The following NFIX variants were observed in gnomAD, a reference collection of about 807,000 sequenced individuals.
NFIX encodes nuclear factor 1 X-type.
NFIX carries 2 observed loss-of-function variants against 53.3 expected under a neutral mutation model. The ratio of observed to expected loss-of-function variants is 0.04; its 90% CI spans 0.02 to 0.12. The LOEUF is 0.12. Ranked by LOEUF, NFIX falls within the 10% of genes least tolerant of loss-of-function variation. The pLI, the probability that NFIX is intolerant of heterozygous loss-of-function variation, is 1.00. For missense variants in NFIX, 310 were observed against 674.5 expected (o/e 0.46, Z 5.99); for synonymous variants, 244 against 289.0 (o/e 0.84, Z 1.58).
At chr19:13,041,194 G>T (rs1378152641) in intron 2 of NFIX, among the ~76,000 whole-genome samples, 4 of 152,168 alleles carry the variant, frequency 2.6e-5, no homozygotes, top group African/African-American at 9.7e-5. Flanking sequence ...ACAAACTCTG[G>T]ACACACAGGG....
chr19:13,088,239 GC>G lies in NFIX; in HGVS notation c.1402+109del, dbSNP rs1048414981. On this transcript the variant is annotated intron_variant, in intron 9 of 10. Transcript: ENST00000592199. The surrounding 1 kb of genome is among the most constrained non-coding windows in gnomAD (Gnocchi z 5.9). ...AGCCTTCCCCCTCCCCACCACCAAA[GC>G]CCCCCAACCCAGAGCACCATGGACA... The G allele has an allele frequency of 1.9e-5, 26 of 1,356,880 alleles. No homozygotes were observed. Among genetic ancestry groups the G allele is most frequent in the Non-Finnish European group, 2.6e-5 (26 of 1,006,248 alleles). The allele number at this position is 1,356,880 out of a possible 1,614,324, so 84.1% of individuals were successfully genotyped here. A position where few individuals can be genotyped will look rare whatever the true frequency, so the allele number is the denominator to read the frequency against.
chr19:13,033,237 G>C (rs1338839304), intron 2 of NFIX, among the ~76,000 whole-genome samples: 3 of 152,216 alleles, frequency 2.0e-5, no homozygotes, highest in Non-Finnish European at 2.9e-5. Flanking sequence ...TTAGAATAGG[G>C]TCCCAGGAGG....
chr19:13,023,070 T>TTTTC (rs143407433), intron 1 of NFIX, among the ~76,000 whole-genome samples: 1 of 138,070 alleles, frequency 7.2e-6, no homozygotes, highest in Non-Finnish European at 1.5e-5. Flanking sequence ...TTCTCTCTCT[T>TTTTC]TCTCTCTCTC....
rs1217664297 is a variant in NFIX, at chr19:13,097,646, G to A, written c.*2997G>A. 2.0e-5 allele frequency: 3 copies of A among 151,498 alleles called. No individual in the cohort carries two copies. Among genetic ancestry groups the A allele is most frequent in the Admixed American group, 6.6e-5 (1 of 15,254 alleles). 9.4% of individuals were successfully genotyped at this position (151,498 alleles called of 1,614,324 possible). ...CGCCCCATCCCCGTCCGGGTACGGG[G>A]GCGCGGCAGGGGTCCCCGGCCCCTC... On this transcript the variant is annotated 3_prime_UTR_variant, in exon 11 of 11. Transcript: ENST00000592199.
At chr19:13,026,067 A>T (rs2013320448) in intron 2 of NFIX, among the ~76,000 whole-genome samples, 1 of 152,184 alleles carries the variant, frequency 6.6e-6, no homozygotes, top group African/African-American at 2.4e-5. Flanking sequence ...ACCCTGGGAT[A>T]TGAGACTGAA....
At chr19:13,038,407 G>A (rs777633232) in intron 2 of NFIX, among the ~76,000 whole-genome samples, 13 of 152,140 alleles carry the variant, frequency 8.5e-5, no homozygotes, top group Non-Finnish European at 1.6e-4. Flanking sequence ...GCAGTCCCAG[G>A]GTGAGAACTC....
At chr19:13,030,992 G>A (rs1280349924) in intron 2 of NFIX, among the ~76,000 whole-genome samples, 1 of 152,218 alleles carries the variant, frequency 6.6e-6, no homozygotes, top group East Asian at 1.9e-4. Flanking sequence ...TACAACTTGG[G>A]GTGCTGGGTC....
At chr19:13,018,219 G>C (rs1219606005) in intron 1 of NFIX, among the ~76,000 whole-genome samples, 1 of 151,970 alleles carries the variant, frequency 6.6e-6, no homozygotes, top group African/African-American at 2.4e-5. Flanking sequence ...TGTGCCAAGA[G>C]GGTAAGGGAG....
chr19:13,092,869 A>G lies in NFIX; in HGVS notation c.1495-1766A>G, dbSNP rs148410663. 2.7e-4 allele frequency among the ~76,000 whole-genome samples: 41 copies of G among 152,326 alleles called. No homozygotes were observed. In the East Asian group the frequency reaches 5.4e-3, roughly 20 times the overall value. ...TCCGCCTTAGCCTCGCCAGGCCCCAATGAGCCTCTGTTTGGCCTGTAGTCA... is the reference window on the plus strand; with the variant it reads ...TCCGCCTTAGCCTCGCCAGGCCCCAGTGAGCCTCTGTTTGGCCTGTAGTCA... On this transcript the variant is annotated intron_variant, in intron 10 of 10. Transcript: ENST00000592199.
chr19:13,009,114 C>T lies in NFIX; in HGVS notation c.27+13250C>T, dbSNP rs544523400. 6.6e-6 allele frequency among the ~76,000 whole-genome samples: 1 copy of T among 152,332 alleles called. No homozygotes were observed. The highest frequency in any genetic ancestry group is 2.1e-4 in the South Asian group (1 of 4,826). ...TGACAGCCTGTCACAAGCACCGCCG[C>T]ACACCGGCACAATCTGTCGTCCACG... is the stretch of plus-strand genomic sequence containing the variant. On this transcript the variant is annotated intron_variant, in intron 1 of 10. Transcript: ENST00000592199. The surrounding 1 kb of genome is among the most constrained non-coding windows in gnomAD (Gnocchi z 4.7).
intron 1 of NFIX, among the ~76,000 whole-genome samples, chr19:13,019,277 A>C (rs1041885428): frequency 4.6e-5 from 7 of 152,214 alleles, no homozygotes; most frequent in African/African-American, 1.4e-4. Flanking sequence ...AAGAATTTTT[A>C]ACACTGTATA....
rs1287455718 is a variant in NFIX at position 13,005,858 on chromosome 19, C to A, written c.27+9994C>A. On this transcript the variant is annotated intron_variant, in intron 1 of 10. Transcript: ENST00000592199. This position sits in a 1 kb window ranked among gnomAD's most constrained non-coding sequence, Gnocchi z 4.7. ...TCAGAATAAAGGTGGATGGTGGTCTCACCCCCTCTGCACCCCTGCTGGCCA... is the reference window on the plus strand; with the variant it reads ...TCAGAATAAAGGTGGATGGTGGTCTAACCCCCTCTGCACCCCTGCTGGCCA... 6.6e-6 allele frequency among the ~76,000 whole-genome samples: 1 copy of A among 152,178 alleles called. No homozygotes were observed. Among genetic ancestry groups the A allele is most frequent in the African/African-American group, 2.4e-5 (1 of 41,432 alleles).
At chr19:13,065,661 C>T (rs1349958373) in intron 2 of NFIX, among the ~76,000 whole-genome samples, 1 of 152,156 alleles carries the variant, frequency 6.6e-6, no homozygotes, top group Non-Finnish European at 1.5e-5. Context: ...TCCCTTCTCT[C>T]TCTCCTTTGC....
intron 1 of NFIX, among the ~76,000 whole-genome samples, chr19:13,008,794 T>C (rs1336266211): frequency 6.6e-6 from 1 of 152,224 alleles, no homozygotes; most frequent in Non-Finnish European, 1.5e-5. Context: ...GGCTGGGTAC[T>C]TGAGCTGACA....
chr19:13,037,067 G>A lies in NFIX; in HGVS notation c.559+11515G>A, dbSNP rs1465626474. Among the ~76,000 whole-genome samples the A allele has an allele frequency of 1.3e-5, 2 of 152,156 alleles. No individual in the cohort carries two copies. The highest frequency in any genetic ancestry group is 1.3e-4 in the Admixed American group (2 of 15,284). On this transcript the variant is annotated intron_variant, in intron 2 of 10. Transcript: ENST00000592199. The surrounding 1 kb of genome is among the most constrained non-coding windows in gnomAD (Gnocchi z 4.2). ...CCTGGGCAGAGTCCTTAATGGGTGA[G>A]ACAGGCCATCTGCCCTTGGGTATTT...
chr19:13,047,328 C>T (rs1311070206), intron 2 of NFIX, among the ~76,000 whole-genome samples: 1 of 151,848 alleles, frequency 6.6e-6, no homozygotes, highest in African/African-American at 2.4e-5. Context: ...ATTTGATTTA[C>T]AGCAAACTCA....
At chr19:13,084,313 G>A (rs956404077) in intron 8 of NFIX, among the ~76,000 whole-genome samples, 19 of 152,106 alleles carry the variant, frequency 1.2e-4, no homozygotes, top group Non-Finnish European at 7.4e-5. Context: ...ACGTGGTGGC[G>A]TGTGCCTGTA....
chr19:13,010,315 C>A (rs769859955), intron 1 of NFIX, among the ~76,000 whole-genome samples: 1 of 152,246 alleles, frequency 6.6e-6, no homozygotes, highest in Non-Finnish European at 1.5e-5. Flanking sequence ...ACTCGCACAC[C>A]CCCTGGCCCT....
intron 10 of NFIX, among the ~76,000 whole-genome samples, chr19:13,091,576 C>T (rs1174309129): frequency 6.6e-6 from 1 of 152,110 alleles, no homozygotes; most frequent in African/African-American, 2.4e-5. Context: ...TGATGTAACA[C>T]CCAGATGAAC....
Sources: allele counts gnomAD v4.1 joint callset (sites outside exome capture counted in the v4.1 genomes callset), GRCh38; gene constraint gnomAD v4.1.1; non-coding constraint Gnocchi (gnomAD v3.1); transcripts MANE v1.5; gene names NCBI Gene and HGNC (gene_info 2026-07-23, HGNC 2026-07-21).